The following CADPS variants were observed in gnomAD, a reference collection of about 807,000 sequenced individuals.
CADPS encodes the protein calcium-dependent secretion activator 1.
CADPS carries 57 observed loss-of-function variants against 167.3 expected under a neutral mutation model. The observed-to-expected ratio is 0.34, with a 90% CI of 0.28 to 0.42. CADPS has a LOEUF of 0.42. CADPS is among the 20% of genes least tolerant of loss of function. The pLI is 1.00. For synonymous variants in CADPS, 676 were observed against 635.3 expected, an observed-to-expected ratio of 1.06 and a Z score of -0.96; for missense variants, 1,414 against 1,738.1, an observed-to-expected ratio of 0.81 and a Z score of 3.32.
chr3:62,500,758 T>A (rs1164890956), intron 17 of CADPS, among the ~76,000 whole-genome samples: 1 of 151,966 alleles, frequency 6.6e-6, no homozygotes, highest in East Asian at 1.9e-4. Flanking sequence ...CAGGCAGCAG[T>A]GGGTGGGAGG....
Position 62,528,328 on chromosome 3 carries a change from A to G in CADPS, c.2291+4543T>C, listed in dbSNP as rs529876430. On this transcript the variant is annotated intron_variant, in intron 13 of 29. Transcript: ENST00000383710. ...GAATTTATGCGAGCCTCAAGCACTC[A>G]TCTATTGGGTGAGGGTAATAACGAT... Among the ~76,000 whole-genome samples the G allele has an allele frequency of 1.3e-3, 197 of 152,292 alleles. 1 individual carries two copies. The highest frequency in any genetic ancestry group is 1.6e-3 in the Non-Finnish European group (110 of 68,012).
At chr3:62,479,934 C>T (rs893991769) in intron 22 of CADPS, among the ~76,000 whole-genome samples, 6 of 152,088 alleles carry the variant, frequency 3.9e-5, no homozygotes, top group African/African-American at 1.2e-4. Context: ...GTCTAAGCCC[C>T]GTTTTGGAAC....
At chr3:62,580,263 AG>A (rs1324472043) in intron 8 of CADPS, among the ~76,000 whole-genome samples, 2 of 152,228 alleles carry the variant, frequency 1.3e-5, no homozygotes, top group Non-Finnish European at 2.9e-5. Context: ...GCCATAAAAA[AG>A]GATGAGCTCA....
At chr3:62,867,872 C>A (rs1167409657) in intron 1 of CADPS, among the ~76,000 whole-genome samples, 6 of 152,002 alleles carry the variant, frequency 3.9e-5, no homozygotes, top group Non-Finnish European at 8.8e-5. Context: ...CTACAATTCC[C>A]ATTTCATTCA....
At chr3:62,583,050 T>G (rs917267431) in intron 8 of CADPS, among the ~76,000 whole-genome samples, 6 of 152,164 alleles carry the variant, frequency 3.9e-5, no homozygotes, top group African/African-American at 1.4e-4. Flanking sequence ...GTTGAGGCAC[T>G]GATCATTTTT....
chr3:62,808,656 C>G (rs984779245), intron 1 of CADPS, among the ~76,000 whole-genome samples: 2 of 152,062 alleles, frequency 1.3e-5, no homozygotes, highest in Non-Finnish European at 2.9e-5. Context: ...TTGGGGAGTG[C>G]CAGGGCCCTG....
chr3:62,561,066 G>A (rs1042570965), intron 9 of CADPS, among the ~76,000 whole-genome samples: 2 of 84,344 alleles, frequency 2.4e-5, no homozygotes, highest in Admixed American at 2.1e-4. Context: ...GAGAAAGAGC[G>A]AAACTCCATC....
intron 3 of CADPS, among the ~76,000 whole-genome samples, chr3:62,696,042 A>C (rs1264143965): frequency 2.0e-5 from 3 of 152,134 alleles, no homozygotes; most frequent in Admixed American, 6.5e-5. Flanking sequence ...GGGAAACTTC[A>C]GGGGGCCAAG....
intron 1 of CADPS, among the ~76,000 whole-genome samples, chr3:62,844,582 A>G (rs2077112540): frequency 6.6e-6 from 1 of 152,192 alleles, no homozygotes; most frequent in Non-Finnish European, 1.5e-5. Flanking sequence ...AGGAAAAACA[A>G]ATAATCTAAG....
rs146208915 is a variant in CADPS, at chr3:62,713,032, T to C, written c.888+40409A>G. Among the ~76,000 whole-genome samples, 22 of 152,344 alleles carry C rather than the reference T, an allele frequency of 1.4e-4. No individual in the cohort carries two copies. The East Asian group carries it at 3.5e-3, about 24-fold the overall frequency. ...GGTGAAGGAATTGCTAATGATTATATAGCCTTGCAGCATGGCTGAATTGTT... is the reference window on the plus strand; with the variant it reads ...GGTGAAGGAATTGCTAATGATTATACAGCCTTGCAGCATGGCTGAATTGTT... On this transcript the variant is annotated intron_variant, in intron 3 of 29. Transcript: ENST00000383710.
chr3:62,717,476 C>T (rs1315413780), intron 3 of CADPS, among the ~76,000 whole-genome samples: 3 of 152,154 alleles, frequency 2.0e-5, no homozygotes, highest in South Asian at 4.1e-4. Flanking sequence ...TCCTCCAAAC[C>T]GGTTCCTTTC....
intron 24 of CADPS, among the ~76,000 whole-genome samples, chr3:62,469,239 A>C (rs1311900811): frequency 2.6e-5 from 4 of 152,156 alleles, no homozygotes; most frequent in South Asian, 2.1e-4. Context: ...CCCTTTTGCT[A>C]GTTTTCCCTG....
At chr3:62,551,403 C>A (rs2077299853) in intron 10 of CADPS, among the ~76,000 whole-genome samples, 1 of 152,166 alleles carries the variant, frequency 6.6e-6, no homozygotes, top group Admixed American at 6.5e-5. Context: ...CCAGTTGCGG[C>A]CATCATAAAT....
chr3:62,717,777 G>A (rs565259280), intron 3 of CADPS, among the ~76,000 whole-genome samples: 1 of 152,244 alleles, frequency 6.6e-6, no homozygotes, highest in South Asian at 2.1e-4. Flanking sequence ...TTACCATTCT[G>A]CCTAAAATTC....
chr3:62,729,197 A>T (rs1489685897), intron 3 of CADPS, among the ~76,000 whole-genome samples: 1 of 151,804 alleles, frequency 6.6e-6, no homozygotes, highest in Non-Finnish European at 1.5e-5. Context: ...ACCCAAATTG[A>T]TGCGGAGCCA....
intron 8 of CADPS, 87 bp from the exon 9 acceptor site, chr3:62,571,025 T>A: frequency 1.1e-6 from 1 of 921,176 alleles, no homozygotes; most frequent in Non-Finnish European, 1.8e-6. Flanking sequence ...TTGGTACTTA[T>A]AAACAAGGAA....
In CADPS at chr3:62,412,825, C is replaced by T. The variant is rs1440122097; in HGVS notation, c.3778-9640G>A. The stretch of plus-strand genomic sequence containing the variant: ...CCAAAGCTTAGCTTATATGAACTAT[C>T]TAGGGGTCTCTCTCTGGAAGACACA... On this transcript the variant is annotated intron_variant, in intron 28 of 29. Transcript: ENST00000383710. This position sits in a 1 kb window ranked among gnomAD's most constrained non-coding sequence, Gnocchi z 4.1. 2.0e-5 allele frequency among the ~76,000 whole-genome samples: 3 copies of T among 152,156 alleles called. No individual in the cohort carries two copies. Among genetic ancestry groups the T allele is most frequent in the Non-Finnish European group, 4.4e-5 (3 of 68,040 alleles).
At chr3:62,522,249 ACTGCAGC>A in intron 13 of CADPS, among the ~76,000 whole-genome samples, 1 of 152,218 alleles carries the variant, frequency 6.6e-6, no homozygotes, top group Non-Finnish European at 1.5e-5. Flanking sequence ...CGATCCTCCT[ACTGCAGC>A]CTCCTGAGAG....
chr3:62,724,331 T>C (rs1221650994), intron 3 of CADPS, among the ~76,000 whole-genome samples: 1 of 152,140 alleles, frequency 6.6e-6, no homozygotes, highest in African/African-American at 2.4e-5. Flanking sequence ...ACTCATCAGC[T>C]CTCACCTGAG....
Sources: allele counts gnomAD v4.1 joint callset (sites outside exome capture counted in the v4.1 genomes callset), GRCh38; gene constraint gnomAD v4.1.1; non-coding constraint Gnocchi (gnomAD v3.1); transcripts MANE v1.5; gene names NCBI Gene and HGNC (gene_info 2026-07-23, HGNC 2026-07-21).